Variants in NAPB observed in about 807,000 individuals in gnomAD.
NAPB encodes the protein beta-soluble NSF attachment protein.
In NAPB, 26 loss-of-function variants were observed where a neutral mutation model predicts 44.7. The ratio of observed to expected loss-of-function variants is 0.58; its 90% CI spans 0.43 to 0.81. The LOEUF (loss-of-function observed/expected upper bound fraction) is 0.81, where lower values mean the gene tolerates loss of function less well. Ranked by LOEUF, NAPB falls within the 30% of genes least tolerant of loss-of-function variation. The probability of loss-of-function intolerance (pLI) is 0.00; values close to 1 mark genes in which losing one functional copy is unlikely to be tolerated. For synonymous variants in NAPB, 120 were observed against 116.8 expected (o/e 1.03, Z -0.18); for missense variants, 315 against 356.4 (o/e 0.88, Z 0.94).
intron 5 of NAPB, among the ~76,000 whole-genome samples, 161 bp from the exon 6 acceptor site, chr20:23,390,425 T>C (rs1983861219): frequency 6.6e-6 from 1 of 152,262 alleles, no homozygotes; most frequent in South Asian, 2.1e-4. Flanking sequence ...CATGCACCTC[T>C]GGAAGCAGAA....
chr20:23,398,553 T>G (rs563281987), intron 2 of NAPB, among the ~76,000 whole-genome samples: 2 of 152,114 alleles, frequency 1.3e-5, no homozygotes, highest in South Asian at 4.2e-4. Flanking sequence ...TTTAAAAAAT[T>G]TTTTTGGCTG....
chr20:23,390,602 C>A (rs75913957), intron 5 of NAPB, among the ~76,000 whole-genome samples: 9,375 of 152,336 alleles, frequency 0.062, 330 homozygotes, highest in Middle Eastern at 0.13. Flanking sequence ...CCATATATCT[C>A]ACTTTGCATC....
rs202242386 is a variant in NAPB, at chr20:23,389,230, T to TAA, written c.561+715_561+716insTT. Among the ~76,000 whole-genome samples, 1,195 of 100,946 alleles carry TAA rather than the reference T, an allele frequency of 0.012. 48 individuals carry two copies. The East Asian group carries it at 0.16, about 14-fold the overall frequency. The allele number at this position is 100,946 out of a possible 152,430, so 66.2% of individuals were successfully genotyped here. A position where few individuals can be genotyped will look rare whatever the true frequency, so the allele number is the denominator to read the frequency against. On this transcript the variant is annotated intron_variant, in intron 7 of 10. Coordinates refer to ENST00000377026, the MANE Select transcript of NAPB (RefSeq NM_022080.3). ...TCACACTCATTAGGGTGACTATTATTTAAAAAAAAAAAAAAAAAAAAACCA... is the reference window on the plus strand; with the variant it reads ...TCACACTCATTAGGGTGACTATTATTAATAAAAAAAAAAAAAAAAAAAAACCA...
chr20:23,404,132 C>T (rs1040498494), intron 1 of NAPB, among the ~76,000 whole-genome samples: 2 of 152,208 alleles, frequency 1.3e-5, no homozygotes, highest in Non-Finnish European at 2.9e-5. Context: ...AATTATCCTC[C>T]GTAATCCTCC....
intron 5 of NAPB, 55 bp downstream of exon 5, chr20:23,394,867 T>C (rs1386464272): frequency 3.2e-6 from 5 of 1,551,390 alleles, no homozygotes; most frequent in Non-Finnish European, 4.4e-6. Context: ...AGGAGAGTTC[T>C]TTGAGTCAGC....
In NAPB at chr20:23,381,319, TA is replaced by T; in HGVS notation, c.562-3del. ...ATTATCCATTGTGTTTGCCCCAACC[TA>T]GGCACAGAACGCAGAGTTAAATTTA... is the stretch of plus-strand genomic sequence containing the variant. On this transcript the variant is annotated splice_region_variant and splice_polypyrimidine_tract_variant and intron_variant, in intron 7 of 10. Transcript: ENST00000377026. The T allele has an allele frequency of 6.4e-7, 1 of 1,559,838 alleles. No individual in the cohort carries two copies. The highest frequency in any genetic ancestry group is 8.7e-7 in the Non-Finnish European group (1 of 1,150,386).
At chr20:23,382,986 C>T (rs1230087578) in intron 7 of NAPB, among the ~76,000 whole-genome samples, 1 of 151,982 alleles carries the variant, frequency 6.6e-6, no homozygotes, top group African/African-American at 2.4e-5. Flanking sequence ...GAAACCTTGT[C>T]TGTACTAAAA....
chr20:23,391,336 A>G (rs1983944409), intron 5 of NAPB, among the ~76,000 whole-genome samples: 1 of 152,138 alleles, frequency 6.6e-6, no homozygotes, highest in Non-Finnish European at 1.5e-5. Context: ...ACAAAAAAAT[A>G]AGTGTCTACC....
intron 1 of NAPB, among the ~76,000 whole-genome samples, chr20:23,414,997 A>C (rs1293718575): frequency 6.6e-6 from 1 of 152,172 alleles, no homozygotes; most frequent in Non-Finnish European, 1.5e-5. Flanking sequence ...TAATTCATAC[A>C]TGAATTAAGA....
At position 23,379,870 on chromosome 20, in the gene NAPB, C is replaced by G; in HGVS notation, c.732G>C (p.Leu244Phe). The G allele has an allele frequency of 6.2e-7, 1 of 1,607,456 alleles. No individual in the cohort carries two copies. The highest frequency in any genetic ancestry group is 8.5e-7 in the Non-Finnish European group (1 of 1,174,796). ...TCAAAGTTCTAATATTACTTACTTTCAATAATTTACATTCTCTTGAATCAG... is the reference window on the plus strand; with the variant it reads ...TCAAAGTTCTAATATTACTTACTTTGAATAATTTACATTCTCTTGAATCAG... The part of the protein sequence containing the change: ...AFTDSRECKL[L>F]KKLLEAHEEQ... The change falls in exon 9 of 11, where the codon TTG (leucine) becomes TTC (phenylalanine). Residue 244 changes from leucine (L) to phenylalanine (F), a missense_variant. Physicochemically the swap from Leu to Phe is conservative, Grantham distance 22 (BLOSUM62 0). This residue lies in a region of NAPB where 120 missense variants were observed against 130.5 expected (regional missense o/e 0.92). Coordinates refer to ENST00000377026, the MANE Select transcript of NAPB (RefSeq NM_022080.3).
intron 2 of NAPB, among the ~76,000 whole-genome samples, chr20:23,402,152 G>C (rs1374406821): frequency 2.0e-5 from 3 of 152,114 alleles, no homozygotes; most frequent in Admixed American, 2.0e-4. Flanking sequence ...TAGCTCAAAA[G>C]CATTTTCTCC....
At chr20:23,416,511 AG>A (rs1986014196) in intron 1 of NAPB, among the ~76,000 whole-genome samples, 1 of 152,140 alleles carries the variant, frequency 6.6e-6, no homozygotes, top group Admixed American at 6.5e-5. Flanking sequence ...ACTTGACTAT[AG>A]TCACCAAAAT....
At chr20:23,389,593 C>A (rs987887203) in intron 7 of NAPB, among the ~76,000 whole-genome samples, 3 of 152,144 alleles carry the variant, frequency 2.0e-5, no homozygotes, top group Non-Finnish European at 4.4e-5. Context: ...CATGGATGAA[C>A]CCTGAAAACA....
rs994145636 is a variant in NAPB at position 23,421,372 on chromosome 20, C to T, written c.31G>A (p.Val11Ile). 3 of 1,553,556 alleles carry T rather than the reference C, an allele frequency of 1.9e-6. No individual in the cohort carries two copies. The highest frequency in any genetic ancestry group is 3.8e-5 in the Admixed American group (2 of 51,976). ...TTCTCGGCCTCCGCCATCAGCTGTA[C>T]TGCCTCACGCTCCTTCCCCGCGTTG... is the stretch of plus-strand genomic sequence containing the variant. MDNAGKEREAVQLMAEAEKRV... is the reference protein window; with the variant it reads MDNAGKEREAIQLMAEAEKRV... Residue 11 changes from valine to isoleucine, a missense_variant, in exon 1 of 11, where the codon GTA becomes ATA. By Grantham distance (29) the Val-to-Ile change is conservative (BLOSUM62 3). This residue lies in a region of NAPB where 179 missense variants were observed against 182.5 expected (regional missense o/e 0.98). Transcript: ENST00000377026.
chr20:23,378,470 T>C (rs186085071), intron 10 of NAPB, among the ~76,000 whole-genome samples: 5 of 150,318 alleles, frequency 3.3e-5, no homozygotes, highest in Admixed American at 3.3e-4. Context: ...AGATGGAGTT[T>C]CACTCTTGTT....
chr20:23,399,190 A>T (rs1331326743), intron 2 of NAPB, among the ~76,000 whole-genome samples: 1 of 152,120 alleles, frequency 6.6e-6, no homozygotes, highest in Non-Finnish European at 1.5e-5. Context: ...TCTTTGAAAA[A>T]TATGTAACCA....
chr20:23,399,460 C>T (rs530312616), intron 2 of NAPB, among the ~76,000 whole-genome samples: 1 of 152,328 alleles, frequency 6.6e-6, no homozygotes, highest in South Asian at 2.1e-4. Flanking sequence ...TCACCAAATA[C>T]GGGATCTGCT....
chr20:23,412,351 T>A (rs1462909936), intron 1 of NAPB, among the ~76,000 whole-genome samples: 1 of 151,992 alleles, frequency 6.6e-6, no homozygotes, highest in Non-Finnish European at 1.5e-5. Context: ...CATAATACAG[T>A]CCTAAGGAAT....
intron 1 of NAPB, among the ~76,000 whole-genome samples, chr20:23,416,108 C>A (rs577039585): frequency 6.6e-6 from 1 of 152,342 alleles, no homozygotes; most frequent in African/African-American, 2.4e-5. Flanking sequence ...ATTCTCTCCA[C>A]CAATATTTAC....
Sources: gnomAD v4.1 joint callset for allele counts (sites outside exome capture counted in the v4.1 genomes callset) on GRCh38, gnomAD v4.1.1 for gene constraint, gnomAD v4.1.1 regional missense constraint, MANE v1.5 for transcripts, NCBI Gene and HGNC (gene_info 2026-07-23, HGNC 2026-07-21) for gene names.